Variants in OTOGL observed in about 807,000 individuals in gnomAD.
The protein encoded by OTOGL is otogelin-like protein.
In OTOGL, 285 loss-of-function variants were observed where a neutral mutation model predicts 318.5. The observed-to-expected ratio is 0.89, with a 90% CI of 0.81 to 0.99. The LOEUF is 0.99. OTOGL is among the 50% of genes least tolerant of loss of function. The probability of loss-of-function intolerance (pLI) is 0.00; values close to 1 mark genes in which losing one functional copy is unlikely to be tolerated. For missense variants in OTOGL, 2,899 were observed against 2,845.6 expected (o/e 1.02, Z -0.43); for synonymous variants, 987 against 936.5 (o/e 1.05, Z -0.99).
chr12:80,260,069 G>T (rs1271592224), intron 18 of OTOGL, among the ~76,000 whole-genome samples: 1 of 151,960 alleles, frequency 6.6e-6, no homozygotes, highest in Admixed American at 6.6e-5. Flanking sequence ...TGTGTCCTTG[G>T]TCTTTGTATT....
At chr12:80,352,912 A>G (rs1889641110) in intron 45 of OTOGL, among the ~76,000 whole-genome samples, 1 of 152,212 alleles carries the variant, frequency 6.6e-6, no homozygotes, top group Non-Finnish European at 1.5e-5. Flanking sequence ...AAACCTAAAT[A>G]TACAACATTT....
At chr12:80,198,158 C>A (rs896753363) in intron 1 of OTOGL, among the ~76,000 whole-genome samples, 1 of 152,222 alleles carries the variant, frequency 6.6e-6, no homozygotes, top group African/African-American at 2.4e-5. Context: ...ATATGCTTAA[C>A]TTCTCTCACC....
intron 17 of OTOGL, among the ~76,000 whole-genome samples, chr12:80,256,987 G>C (rs1882109012): frequency 6.6e-6 from 1 of 152,064 alleles, no homozygotes; most frequent in African/African-American, 2.4e-5. Flanking sequence ...ACAGCAGAGA[G>C]AGGGTAAAGG....
At chr12:80,374,668 C>T (rs10746159) in intron 57 of OTOGL, among the ~76,000 whole-genome samples, 1 of 151,682 alleles carries the variant, frequency 6.6e-6, no homozygotes. Context: ...TCTTCTTCTT[C>T]AGATTCTAGA....
rs181971089 is a variant in OTOGL, at chr12:80,128,817, G to A, written c.-20+29212G>A. On this transcript the variant is annotated intron_variant, in intron 1 of 58. Coordinates refer to ENST00000547103, the MANE Select transcript of OTOGL (RefSeq NM_001378609.3). ...CTGTGCTAGCAATGAGCGAGGCTTCGTAGGCATAGGACCCTCTGAGCCAGG... is the reference window on the plus strand; with the variant it reads ...CTGTGCTAGCAATGAGCGAGGCTTCATAGGCATAGGACCCTCTGAGCCAGG... Among the ~76,000 whole-genome samples, 156 of 152,304 alleles carry A rather than the reference G, an allele frequency of 1.0e-3. 1 individual carries two copies. The highest frequency in any genetic ancestry group is 3.6e-3 in the African/African-American group (150 of 41,560).
At chr12:80,308,363 C>T (rs963686135) in intron 29 of OTOGL, among the ~76,000 whole-genome samples, 4 of 151,952 alleles carry the variant, frequency 2.6e-5, no homozygotes, top group Admixed American at 6.5e-5. Flanking sequence ...CCTCACATCC[C>T]GGACGGGGCG....
At chr12:80,148,939 C>G (rs1223473656) in intron 1 of OTOGL, among the ~76,000 whole-genome samples, 2 of 152,148 alleles carry the variant, frequency 1.3e-5, no homozygotes, top group Non-Finnish European at 2.9e-5. Context: ...ATTGATTATT[C>G]TAGTTATACA....
At position 80,352,181 on chromosome 12, in the gene OTOGL, G is replaced by C. The variant is rs1479165986; in HGVS notation, c.5266-114G>C. On this transcript the variant is annotated intron_variant, in intron 44 of 58. Coordinates refer to ENST00000547103, the MANE Select transcript of OTOGL (RefSeq NM_001378609.3). ...TTGAAAATGTAAAGTCTATGATGAA[G>C]TATAATGAATATTAACTTGCTACCC... 5.4e-6 allele frequency: 5 copies of C among 928,394 alleles called. No homozygotes were observed. The East Asian group carries it at 1.3e-4, about 25-fold the overall frequency. 57.5% of individuals were successfully genotyped at this position (928,394 alleles called of 1,614,324 possible). A position where few individuals can be genotyped will look rare whatever the true frequency, so the allele number is the denominator to read the frequency against.
Position 80,253,499 on chromosome 12 carries a change from T to C in OTOGL, c.1319T>C (p.Leu440Ser). The change falls in exon 14 of 59, where the codon TTG (leucine) becomes TCG (serine). Residue 440 changes from leucine (L) to serine (S), a missense_variant. Physicochemically the swap from Leu to Ser is moderately radical, Grantham distance 145. Coordinates refer to ENST00000547103, the MANE Select transcript of OTOGL (RefSeq NM_001378609.3). ...LVMDNGTCISLENCPCGFHGL... is the reference protein window; with the variant it reads ...LVMDNGTCISSENCPCGFHGL... The stretch of plus-strand genomic sequence containing the variant: ...ATGGACAATGGGACTTGCATCTCCT[T>C]GGAAAATTGCCCATGCGGTTTTCAT... The C allele has an allele frequency of 6.2e-7, 1 of 1,613,354 alleles. No homozygotes were observed. Among genetic ancestry groups the C allele is most frequent in the Non-Finnish European group, 8.5e-7 (1 of 1,179,384 alleles).
At chr12:80,176,906 C>T (rs1379614229) in intron 1 of OTOGL, among the ~76,000 whole-genome samples, 1 of 151,984 alleles carries the variant, frequency 6.6e-6, no homozygotes, top group Non-Finnish European at 1.5e-5. Flanking sequence ...GCCAACAATT[C>T]GTATGATTGG....
intron 34 of OTOGL, among the ~76,000 whole-genome samples, chr12:80,321,597 T>TA (rs200026457): frequency 0.025 from 3,781 of 151,506 alleles, 156 homozygotes; most frequent in African/African-American, 0.086. Flanking sequence ...AAATAAAAAA[T>TA]AAAAAAAAAT....
rs919750775 is a variant in OTOGL, at chr12:80,265,071, T to G, written c.2085T>G (p.Pro695=). ...CTCCTTGCCACATCTATATTAGCCC[T>G]GGGCTGTACTATCAGCTATGCCGCC... ...LFAPCHIYIS[P]GLYYQLCRHD... Residue 695 remains proline, a synonymous_variant, in exon 20 of 59, where the codon CCT becomes CCG. Coordinates refer to ENST00000547103, the MANE Select transcript of OTOGL (RefSeq NM_001378609.3). The G allele has an allele frequency of 7.4e-6, 12 of 1,613,928 alleles. No homozygotes were observed. The highest frequency in any genetic ancestry group is 1.0e-5 in the Non-Finnish European group (12 of 1,179,866).
Position 80,355,925 on chromosome 12 carries a change from C to T in OTOGL, c.5783C>T (p.Thr1928Ile), listed in dbSNP as rs374792878. 1.2e-6 allele frequency: 2 copies of T among 1,613,672 alleles called. No individual in the cohort carries two copies. The highest frequency in any genetic ancestry group is 2.2e-5 in the East Asian group (1 of 44,888). ...EVVMGIIDKWTCCSKEVCGCD... is the reference protein window; with the variant it reads ...EVVMGIIDKWICCSKEVCGCD... The stretch of plus-strand genomic sequence containing the variant: ...GTCATGGGCATCATTGATAAATGGA[C>T]CTGCTGTTCAAAGGAAGTTTGTGGT... Residue 1928 changes from threonine to isoleucine, a missense_variant, in exon 47 of 59, where the codon ACC (threonine) becomes ATC (isoleucine). This residue lies in a region of OTOGL where 2,607 missense variants were observed against 2,524.9 expected (regional missense o/e 1.03). Transcript: ENST00000547103.
At chr12:80,250,865 A>G (rs1203554844) in intron 11 of OTOGL, among the ~76,000 whole-genome samples, 2 of 152,202 alleles carry the variant, frequency 1.3e-5, no homozygotes, top group African/African-American at 2.4e-5. Context: ...TGCTTACTTG[A>G]TAAGTGCCTT....
chr12:80,151,011 G>T (rs1872750760), intron 1 of OTOGL, among the ~76,000 whole-genome samples: 1 of 152,086 alleles, frequency 6.6e-6, no homozygotes, highest in Non-Finnish European at 1.5e-5. Context: ...AATTAATTTT[G>T]AAATCCTTGT....
rs190666269 is a variant in OTOGL, at chr12:80,276,526, A to G, written c.2682-1642A>G. 3.3e-5 allele frequency among the ~76,000 whole-genome samples: 5 copies of G among 151,846 alleles called. No individual in the cohort carries two copies. The East Asian group carries it at 9.7e-4, about 29-fold the overall frequency. ...CCAATAAAAGTTTATAAAGTTGCTA[A>G]GTATAGGGAGTATGTGAAGGAGCTG... On this transcript the variant is annotated intron_variant, in intron 24 of 58. Coordinates refer to ENST00000547103, the MANE Select transcript of OTOGL (RefSeq NM_001378609.3).
intron 1 of OTOGL, among the ~76,000 whole-genome samples, chr12:80,157,961 T>G (rs986238590): frequency 1.3e-5 from 2 of 152,108 alleles, no homozygotes; most frequent in Admixed American, 6.5e-5. Context: ...TTGATTTATG[T>G]GAAAAAAATT....
intron 3 of OTOGL, among the ~76,000 whole-genome samples, chr12:80,211,424 A>G (rs1877244856): frequency 6.6e-6 from 1 of 152,178 alleles, no homozygotes; most frequent in Non-Finnish European, 1.5e-5. Flanking sequence ...TAAATATAAC[A>G]CAAAAACAGA....
intron 1 of OTOGL, among the ~76,000 whole-genome samples, chr12:80,111,018 T>C (rs1462804509): frequency 1.3e-5 from 2 of 152,264 alleles, no homozygotes; most frequent in African/African-American, 2.4e-5. Context: ...GAGCTTTTTT[T>C]CATACGTTTG....
Sources: allele counts gnomAD v4.1 joint callset (sites outside exome capture counted in the v4.1 genomes callset), GRCh38; gene constraint gnomAD v4.1.1; regional missense constraint gnomAD v4.1.1; transcripts MANE v1.5; gene names NCBI Gene and HGNC (gene_info 2026-07-23, HGNC 2026-07-21).